Variants in CAPN3 observed in about 807,000 individuals in gnomAD.
CAPN3 encodes calpain 3, also known as calpain-3.
CAPN3 carries 88 observed loss-of-function variants against 114.0 expected under a neutral mutation model. That is an observed-to-expected ratio of 0.77 (90% CI 0.65 to 0.92). The LOEUF is 0.92. CAPN3 is among the 40% of genes least tolerant of loss of function. The pLI, the probability that CAPN3 is intolerant of heterozygous loss-of-function variation, is 0.00. For synonymous variants in CAPN3, 386 were observed against 382.9 expected (o/e 1.01, Z -0.09); for missense variants, 1,028 against 1,069.0 (o/e 0.96, Z 0.53).
Position 42,401,485 on chromosome 15 carries a change from C to CT in CAPN3, c.1355-156_1355-155insT, listed in dbSNP as rs531854862. The stretch of plus-strand genomic sequence containing the variant: ...GAATAAAGGTAGCGCCCCCCCCCCC[C>CT]CCAAATCATTAGAGAAATGCCTGAA... On this transcript the variant is annotated intron_variant, in intron 10 of 23. Transcript: ENST00000397163. 0.016 allele frequency among the ~76,000 whole-genome samples: 1,991 copies of CT among 127,008 alleles called. 94 individuals are homozygous for CT. The highest frequency in any genetic ancestry group is 0.055 in the African/African-American group (1,753 of 31,854). The allele number at this position is 127,008 out of a possible 152,430, so 83.3% of individuals were successfully genotyped here.
Position 42,375,581 on chromosome 15 carries a change from A to G in CAPN3, c.310-8902A>G, listed in dbSNP as rs924357503. On this transcript the variant is annotated intron_variant, in intron 1 of 23. Transcript: ENST00000397163. ...AGTAGGCTCTGAGGAGGGCATATAC[A>G]GCCCAGTAGATCTGCAAGATGATCC... Among the ~76,000 whole-genome samples the G allele has an allele frequency of 2.6e-5, 4 of 152,328 alleles. 1 individual carries two copies. The highest frequency in any genetic ancestry group is 5.9e-5 in the Non-Finnish European group (4 of 68,032).
rs2141101474 is a variant in CAPN3 at position 42,359,577 on chromosome 15, T to C, written c.-229T>C. 1 of 1,402,630 alleles carries C rather than the reference T, an allele frequency of 7.1e-7. No individual in the cohort carries two copies. The highest frequency in any genetic ancestry group is 9.2e-7 in the Non-Finnish European group (1 of 1,081,240). The allele number at this position is 1,402,630 out of a possible 1,614,324, so 86.9% of individuals were successfully genotyped here. On this transcript the variant is annotated 5_prime_UTR_variant, in exon 1 of 24. An upstream open reading frame in the 5' UTR loses its in-frame stop. Transcript: ENST00000397163. ...AGTCAACATTGCTTCAGAAATCCTTTAGCACTCATTTCTCAGGAGAACTTA... is the reference window on the plus strand; with the variant it reads ...AGTCAACATTGCTTCAGAAATCCTTCAGCACTCATTTCTCAGGAGAACTTA...
chr15:42,371,159 T>A (rs2052937372), intron 1 of CAPN3, among the ~76,000 whole-genome samples: 1 of 152,144 alleles, frequency 6.6e-6, no homozygotes, highest in Non-Finnish European at 1.5e-5. Context: ...GAGCCAGCCT[T>A]CTGTCTACTC....
chr15:42,407,596 TG>T (rs2054060518), intron 15 of CAPN3, among the ~76,000 whole-genome samples: 1 of 152,126 alleles, frequency 6.6e-6, no homozygotes, highest in African/African-American at 2.4e-5. Flanking sequence ...CCTAAAGTGC[TG>T]GGATTACAGG....
At chr15:42,381,683 G>T (rs973960046) in intron 1 of CAPN3, among the ~76,000 whole-genome samples, 5 of 152,136 alleles carry the variant, frequency 3.3e-5, no homozygotes, top group African/African-American at 1.2e-4. Flanking sequence ...GGGACTACAG[G>T]CATGAGCCAC....
chr15:42,397,482 A>T (rs1358841577), intron 9 of CAPN3, among the ~76,000 whole-genome samples: 1 of 152,124 alleles, frequency 6.6e-6, no homozygotes, highest in Admixed American at 6.5e-5. Context: ...TGTACTAAAA[A>T]TACACAAAAA....
intron 9 of CAPN3, among the ~76,000 whole-genome samples, chr15:42,398,726 A>G (rs116695538): frequency 0.016 from 2,394 of 147,228 alleles, 73 homozygotes; most frequent in African/African-American, 0.059. Context: ...CACACACTAT[A>G]CTATAAATTC....
intron 14 of CAPN3, chr15:42,404,294 G>A (rs1595840296): frequency 4.4e-6 from 2 of 456,584 alleles, no homozygotes; most frequent in East Asian, 1.4e-4. Flanking sequence ...TCATCAATGA[G>A]GTGATGTATG....
chr15:42,396,552 C>A (rs542990460), intron 8 of CAPN3, among the ~76,000 whole-genome samples: 2 of 152,202 alleles, frequency 1.3e-5, no homozygotes, highest in South Asian at 4.1e-4. Context: ...GAACTCAATT[C>A]TTAACCTTTA....
Position 42,401,755 on chromosome 15 carries a change from G to A in CAPN3, c.1469G>A (p.Arg490Gln), listed in dbSNP as rs121434548. The A allele has an allele frequency of 1.6e-4, 252 of 1,614,044 alleles. No individual in the cohort carries two copies. Among genetic ancestry groups the A allele is most frequent in the Non-Finnish European group, 2.0e-4 (234 of 1,179,982 alleles). ...GTGGCCCTGATGCAGAAGAACCGGCGGAAGGACCGGAAGCTAGGGGCCAGT... is the reference window on the plus strand; with the variant it reads ...GTGGCCCTGATGCAGAAGAACCGGCAGAAGGACCGGAAGCTAGGGGCCAGT... ...FLVALMQKNR[R>Q]KDRKLGASLF... The change falls in exon 11 of 24, where the codon CGG becomes CAG. Residue 490 changes from arginine to glutamine, a missense_variant. Transcript: ENST00000397163.
At chr15:42,380,013 T>G (rs1262990339) in intron 1 of CAPN3, among the ~76,000 whole-genome samples, 2 of 152,130 alleles carry the variant, frequency 1.3e-5, no homozygotes, top group Admixed American at 1.3e-4. Flanking sequence ...CTACTCAGGA[T>G]GCTGAGATGG....
At chr15:42,396,752 A>C (rs3803343) in intron 8 of CAPN3, 48 bp from the exon 9 acceptor site, 1 of 1,435,342 alleles carries the variant, frequency 7.0e-7, no homozygotes, top group East Asian at 2.3e-5. Flanking sequence ...AACCTACATC[A>C]GGCCTTCCCT....
Position 42,395,734 on chromosome 15 carries a change from C to G in CAPN3, c.1116-1066C>G, listed in dbSNP as rs905640259. 7.9e-5 allele frequency among the ~76,000 whole-genome samples: 12 copies of G among 152,350 alleles called. No homozygotes were observed. The South Asian group carries it at 1.7e-3, about 21-fold the overall frequency. ...GGGCTGGAGACAAGTGGACCCAACGCTGTTCACTCAAGGAGATTCCCTTTG... is the reference window on the plus strand; with the variant it reads ...GGGCTGGAGACAAGTGGACCCAACGGTGTTCACTCAAGGAGATTCCCTTTG... On this transcript the variant is annotated intron_variant, in intron 8 of 23. Coordinates refer to ENST00000397163, the MANE Select transcript of CAPN3 (RefSeq NM_000070.3).
chr15:42,392,555 A>G (rs2053584947), intron 6 of CAPN3, 84 bp from the exon 7 acceptor site: 1 of 1,055,984 alleles, frequency 9.5e-7, no homozygotes, highest in Middle Eastern at 2.0e-4. Flanking sequence ...GAGCCCGGAA[A>G]ATGAACTAGT....
rs2053511022 is a variant in CAPN3 at position 42,389,983 on chromosome 15, C to T, written c.832C>T (p.Pro278Ser). Residue 278 changes from proline (P) to serine (S), a missense_variant, in exon 6 of 24, where the codon CCT (proline) becomes TCT (serine). Pro to Ser is a moderately conservative substitution (Grantham distance 74). Transcript: ENST00000397163. ...CACGAACATGACCTATGGAACCTCT[C>T]CTTCTGGTCTGAACATGGGGGAGTT... ...DGTNMTYGTS[P>S]SGLNMGELIA... 6.2e-7 allele frequency: 1 copy of T among 1,614,106 alleles called. No homozygotes were observed. The highest frequency in any genetic ancestry group is 1.1e-5 in the South Asian group (1 of 91,074).
rs768090444 is a variant in CAPN3 at position 42,410,645 on chromosome 15, C to G, written c.2242C>G (p.Arg748Gly). 1 of 1,613,648 alleles carries G rather than the reference C, an allele frequency of 6.2e-7. No homozygotes were observed. The highest frequency in any genetic ancestry group is 8.5e-7 in the Non-Finnish European group (1 of 1,179,854). The change falls in exon 21 of 24, where the codon CGA becomes GGA. Residue 748 changes from arginine (R) to glycine (G), a missense_variant. By Grantham distance (125) the Arg-to-Gly change is moderately radical. Transcript: ENST00000397163. ...QSGTINSYEM[R>G]NAVNDAGFHL... ...CGGCACCATCAACAGCTACGAGATGCGAAATGCAGTCAACGACGCAGGTGC... is the reference window on the plus strand; with the variant it reads ...CGGCACCATCAACAGCTACGAGATGGGAAATGCAGTCAACGACGCAGGTGC...
intron 4 of CAPN3, 97 bp from the exon 5 acceptor site, chr15:42,388,831 C>G (rs2053473617): frequency 2.1e-6 from 2 of 958,768 alleles, no homozygotes; most frequent in Admixed American, 3.4e-5. Context: ...GAAAGAACAT[C>G]ACAGCATCCA....
At chr15:42,387,989 G>T (rs564029511) in intron 4 of CAPN3, 103 bp downstream of exon 4, 2 of 1,369,662 alleles carry the variant, frequency 1.5e-6, no homozygotes, top group Non-Finnish European at 2.1e-6. Flanking sequence ...GCCTCTATAC[G>T]TGCATATGTG....
At chr15:42,393,842 C>T (rs1349588183) in intron 7 of CAPN3, among the ~76,000 whole-genome samples, 1 of 152,022 alleles carries the variant, frequency 6.6e-6, no homozygotes, top group East Asian at 1.9e-4. Context: ...ATCCGCCCAC[C>T]TCGGCCTCTC....
Sources: gnomAD v4.1 joint callset for allele counts (sites outside exome capture counted in the v4.1 genomes callset) on GRCh38, gnomAD v4.1.1 for gene constraint, MANE v1.5 for transcripts, NCBI Gene and HGNC (gene_info 2026-07-23, HGNC 2026-07-21) for gene names.